FRMPD4: variants seen among roughly 807,000 people sequenced by gnomAD.
The protein encoded by FRMPD4 is FERM and PDZ domain-containing protein 4.
FRMPD4 carries 22 observed loss-of-function variants against 94.1 expected under a neutral mutation model. The ratio of observed to expected loss-of-function variants is 0.23; its 90% CI spans 0.17 to 0.33. The LOEUF is 0.33. Among genes scored for constraint, FRMPD4 ranks in the 10% least tolerant of loss-of-function variants. The pLI, the probability that FRMPD4 is intolerant of heterozygous loss-of-function variation, is 1.00. For missense variants in FRMPD4, 1,111 were observed against 1,339.9 expected, an observed-to-expected ratio of 0.83 and a Z score of 2.67; for synonymous variants, 631 against 548.6, an observed-to-expected ratio of 1.15 and a Z score of -2.10.
rs1337697858 is a variant in FRMPD4, at chrX:12,264,055, G to A, written c.41+125043G>A. Among the ~76,000 whole-genome samples, 5 of 111,187 alleles carry A rather than the reference G, an allele frequency of 4.5e-5. No homozygotes were observed. The East Asian group carries it at 8.5e-4, about 19-fold the overall frequency. On this transcript the variant is annotated intron_variant, in intron 1 of 16. Coordinates refer to ENST00000675598, the MANE Select transcript of FRMPD4 (RefSeq NM_001368397.1). ...GATTAAGTTGCCAACACGTGCTTTT[G>A]GGGGGGACACATTCAAGCCATAGTA...
At chrX:12,446,548 G>A (rs1379826520) in intron 1 of FRMPD4, among the ~76,000 whole-genome samples, 1 of 111,464 alleles carries the variant, frequency 9.0e-6, no homozygotes, top group Non-Finnish European at 1.9e-5. Flanking sequence ...GGACCTGGTG[G>A]GAGATAATGG....
chrX:12,204,976 C>T (rs975160394), intron 1 of FRMPD4, among the ~76,000 whole-genome samples: 2 of 109,842 alleles, frequency 1.8e-5, no homozygotes, highest in African/African-American at 6.6e-5. Context: ...TGCTTCATGC[C>T]GAAGGAGTCA....
intron 2 of FRMPD4, among the ~76,000 whole-genome samples, chrX:12,603,912 G>GA (rs1248477079): frequency 5.4e-5 from 6 of 110,897 alleles, no homozygotes; most frequent in Admixed American, 1.9e-4. Flanking sequence ...ATTCTTACTG[G>GA]AAAAGAGACG....
chrX:12,165,248 A>C (rs2056095562), intron 1 of FRMPD4, among the ~76,000 whole-genome samples: 1 of 112,293 alleles, frequency 8.9e-6, no homozygotes, highest in Admixed American at 9.4e-5. Flanking sequence ...GAAGGGATCC[A>C]TTTTCAGCTT....
intron 1 of FRMPD4, among the ~76,000 whole-genome samples, chrX:12,308,563 A>G (rs988877423): frequency 1.8e-5 from 2 of 111,707 alleles, no homozygotes; most frequent in African/African-American, 6.5e-5. Context: ...GAATGGTATA[A>G]TAAGCTCTTG....
chrX:12,666,316 C>A (rs1359780509), intron 4 of FRMPD4, among the ~76,000 whole-genome samples: 2 of 111,160 alleles, frequency 1.8e-5, no homozygotes, highest in Non-Finnish European at 3.8e-5. Flanking sequence ...CTTAGACTCC[C>A]ACACAATAAT....
chrX:12,175,817 A>G (rs2056287220), intron 1 of FRMPD4, among the ~76,000 whole-genome samples: 1 of 111,735 alleles, frequency 8.9e-6, no homozygotes, highest in Non-Finnish European at 1.9e-5. Context: ...CCCGGCCTCA[A>G]TATGTGTTTT....
chrX:12,310,366 G>A (rs765412816), intron 1 of FRMPD4, among the ~76,000 whole-genome samples: 8 of 111,068 alleles, frequency 7.2e-5, no homozygotes, highest in African/African-American at 2.6e-4. Context: ...TTAAGGTGGG[G>A]CAGGGCATAT....
rs1294169574 is a variant in FRMPD4 at position 12,716,642 on chromosome X, C to T, written c.2183C>T (p.Ala728Val). 4.1e-6 allele frequency: 5 copies of T among 1,207,713 alleles called. No individual in the cohort carries two copies. In the South Asian group the frequency reaches 5.3e-5, roughly 13 times the overall value. ...NIGDVKSFQA[A>V]EGIEEPLLHD... ...GGCGATGTGAAGAGCTTCCAGGCCG[C>T]GGAGGGGATCGAGGAACCCCTCTTG... The change falls in exon 15 of 17, where the codon GCG (alanine) becomes GTG (valine). Residue 728 changes from alanine to valine, a missense_variant. Ala to Val is a moderately conservative substitution (Grantham distance 64). Coordinates refer to ENST00000675598, the MANE Select transcript of FRMPD4 (RefSeq NM_001368397.1).
intron 3 of FRMPD4, among the ~76,000 whole-genome samples, chrX:12,119,202 G>T (rs774972233): frequency 9.0e-6 from 1 of 111,482 alleles, no homozygotes; most frequent in East Asian, 2.8e-4. Flanking sequence ...GCCATACATA[G>T]ATCCAAAAGC....
upstream of FRMPD4, among the ~76,000 whole-genome samples, chrX:12,134,644 C>T (rs187637223): frequency 9.8e-5 from 11 of 111,952 alleles, no homozygotes; most frequent in East Asian, 3.1e-3. Flanking sequence ...AAGCTCCTCA[C>T]ACTTCCCCCT....
intron 3 of FRMPD4, among the ~76,000 whole-genome samples, chrX:12,083,861 A>G (rs762733682): frequency 1.8e-5 from 2 of 112,195 alleles, no homozygotes; most frequent in South Asian, 3.7e-4. Flanking sequence ...TCCCATTTGG[A>G]ACAGCTGTAT....
intron 1 of FRMPD4, among the ~76,000 whole-genome samples, chrX:11,852,048 A>G (rs747870609): frequency 9.0e-6 from 1 of 110,675 alleles, no homozygotes; most frequent in Non-Finnish European, 1.9e-5. Flanking sequence ...TTCATCTGGC[A>G]TGATTAAGAA....
At chrX:12,682,107 T>A (rs2059978684) in intron 5 of FRMPD4, among the ~76,000 whole-genome samples, 2 of 112,480 alleles carry the variant, frequency 1.8e-5, no homozygotes, top group African/African-American at 3.2e-5. Flanking sequence ...TTTTCCAGGT[T>A]CATCCATGTT....
chrX:12,657,995 C>A (rs2059675792), intron 4 of FRMPD4, among the ~76,000 whole-genome samples: 1 of 111,531 alleles, frequency 9.0e-6, no homozygotes, highest in African/African-American at 3.3e-5. Context: ...ACCCATGAAC[C>A]CTGAAAGACA....
At chrX:12,462,885 A>G (rs1464545564) in intron 1 of FRMPD4, among the ~76,000 whole-genome samples, 1 of 111,464 alleles carries the variant, frequency 9.0e-6, no homozygotes, top group African/African-American at 3.3e-5. Context: ...AACTACTTGG[A>G]GGCTGAGCTG....
At chrX:12,231,049 A>T (rs764836115) in intron 1 of FRMPD4, among the ~76,000 whole-genome samples, 102 of 28,026 alleles carry the variant, frequency 3.6e-3, no homozygotes, top group African/African-American at 0.011. Flanking sequence ...TATATATATA[A>T]AATATATATA....
chrX:12,657,017 C>A, intron 4 of FRMPD4, among the ~76,000 whole-genome samples: 1 of 108,362 alleles, frequency 9.2e-6, no homozygotes, highest in Non-Finnish European at 1.9e-5. Context: ...ACTCGGGAGG[C>A]GGAGGTTGTG....
intron 1 of FRMPD4, among the ~76,000 whole-genome samples, chrX:12,343,675 C>T (rs1441926426): frequency 8.9e-6 from 1 of 111,744 alleles, no homozygotes; most frequent in African/African-American, 3.3e-5. Context: ...ATATGTGAAA[C>T]TGTCGCTGAC....
Sources: allele counts gnomAD v4.1 joint callset (sites outside exome capture counted in the v4.1 genomes callset), GRCh38; gene constraint gnomAD v4.1.1; transcripts MANE v1.5; gene names NCBI Gene and HGNC (gene_info 2026-07-23, HGNC 2026-07-21).